SAXO5: variants seen among roughly 807,000 people sequenced by gnomAD.
SAXO5 encodes testis expressed 45.
the SAXO5 span, among the ~76,000 whole-genome samples, chr19:7,505,048 A>G: frequency 6.6e-6 from 1 of 150,668 alleles, no homozygotes; most frequent in South Asian, 2.1e-4. Context: ...CAGTGGCACA[A>G]TCTCAGCTCA....
At chr19:7,503,034 A>G in the SAXO5 span, among the ~76,000 whole-genome samples, 1 of 152,154 alleles carries the variant, frequency 6.6e-6, no homozygotes, top group Non-Finnish European at 1.5e-5. Context: ...CTGAGCCTCA[A>G]GGAGGCTGTA....
At chr19:7,507,941 G>A in the SAXO5 span, among the ~76,000 whole-genome samples, 1 of 151,512 alleles carries the variant, frequency 6.6e-6, no homozygotes, top group Admixed American at 6.6e-5. Context: ...CCCCAACTCC[G>A]CCCCTGGACA....
the SAXO5 span, among the ~76,000 whole-genome samples, chr19:7,498,393 C>CT: frequency 0.26 from 30,094 of 115,010 alleles, 4,699 homozygotes; most frequent in Non-Finnish European, 0.33. Context: ...GTATTTTTTT[C>CT]TTTTTTTTTT....
At chr19:7,501,144 A>C in the SAXO5 span, 4 of 1,509,388 alleles carry the variant, frequency 2.7e-6, no homozygotes, top group Non-Finnish European at 3.5e-6. Flanking sequence ...CACGCTCGCC[A>C]TGCAGGCCGG....
chr19:7,507,311 A>G, the SAXO5 span, among the ~76,000 whole-genome samples: 5 of 152,138 alleles, frequency 3.3e-5, no homozygotes, highest in Non-Finnish European at 7.4e-5. Context: ...GGCCGGGTGC[A>G]GTGGTTCACG....
the SAXO5 span, chr19:7,506,490 C>T: frequency 4.7e-6 from 2 of 425,300 alleles, no homozygotes; most frequent in Non-Finnish European, 8.8e-6. Flanking sequence ...CGGCCCTGCC[C>T]CTTCTCCATC....
the SAXO5 span, chr19:7,501,424 G>A: frequency 6.9e-7 from 1 of 1,458,278 alleles, no homozygotes. Flanking sequence ...GGGCTGAGTG[G>A]GCGATTTGCT....
At chr19:7,501,358 A>G in the SAXO5 span, 36 of 1,530,264 alleles carry the variant, frequency 2.4e-5, no homozygotes, top group Non-Finnish European at 3.1e-5. Flanking sequence ...TTTCCACCCC[A>G]CGACGCGCGC....
the SAXO5 span, chr19:7,506,913 C>T: frequency 9.1e-5 from 59 of 645,826 alleles, no homozygotes; most frequent in Non-Finnish European, 1.3e-4. Context: ...TCCCTCCCCC[C>T]TCTCCTAATC....
At chr19:7,501,546 G>C in the SAXO5 span, 1 of 966,072 alleles carries the variant, frequency 1.0e-6, no homozygotes, top group Non-Finnish European at 1.4e-6. Context: ...GGGTGGCCGG[G>C]CGCGGTGGCT....
chr19:7,506,619 C>A, the SAXO5 span: 3 of 352,608 alleles, frequency 8.5e-6, no homozygotes, highest in Non-Finnish European at 1.6e-5. Context: ...CGCCCCTGAC[C>A]TTCTTAGCCC....
At chr19:7,497,798 G>C in the SAXO5 span, 2 of 152,274 alleles carry the variant, frequency 1.3e-5, no homozygotes, top group East Asian at 3.9e-4. Context: ...ATTCTCTGAT[G>C]ACCCATTTTG....
chr19:7,500,760 G>T, the SAXO5 span: 1 of 1,365,736 alleles, frequency 7.3e-7, no homozygotes, highest in Non-Finnish European at 9.5e-7. Flanking sequence ...AAAGGCAAGT[G>T]CCCCAATGGG....
the SAXO5 span, chr19:7,505,334 G>A: frequency 6.2e-7 from 1 of 1,614,100 alleles, no homozygotes; most frequent in Non-Finnish European, 8.5e-7. Flanking sequence ...GTATGACAAG[G>A]CCCAGGCCAC....
chr19:7,501,357 CA>C, the SAXO5 span: 1 of 1,532,488 alleles, frequency 6.5e-7, no homozygotes, highest in South Asian at 1.2e-5. Context: ...CTTTCCACCC[CA>C]CGACGCGCGC....
chr19:7,506,038 G>A, the SAXO5 span: 1 of 1,613,774 alleles, frequency 6.2e-7, no homozygotes, highest in Non-Finnish European at 8.5e-7. Context: ...CCCTAGGGGA[G>A]CCAAAGCTAC....
At chr19:7,499,509 G>C in the SAXO5 span, 10 of 152,558 alleles carry the variant, frequency 6.6e-5, no homozygotes, top group East Asian at 1.9e-3. Context: ...GGAGAAAACC[G>C]TGGCCTTGAC....
the SAXO5 span, chr19:7,506,710 T>C: frequency 2.8e-6 from 1 of 360,862 alleles, no homozygotes; most frequent in Non-Finnish European, 5.2e-6. Flanking sequence ...TCCCCCTTTC[T>C]CTGGCTCCTT....
At chr19:7,508,056 C>T in the SAXO5 span, 42 of 633,808 alleles carry the variant, frequency 6.6e-5, no homozygotes, top group Admixed American at 1.7e-4. Flanking sequence ...AACCATCCTC[C>T]TTGGTCAGAC....
Sources: allele counts gnomAD v4.1 joint callset (sites outside exome capture counted in the v4.1 genomes callset), GRCh38; gene constraint gnomAD v4.1.1; transcripts MANE v1.5; gene names NCBI Gene and HGNC (gene_info 2026-07-23, HGNC 2026-07-21).